The following USH2A variants were observed in gnomAD, a reference collection of about 807,000 sequenced individuals.
USH2A encodes Usher syndrome 2A (autosomal recessive, mild).
Under a neutral mutation model 538.9 loss-of-function variants are expected in USH2A, and 443 were observed. That is an observed-to-expected ratio of 0.82 (90% CI 0.76 to 0.89). USH2A has a LOEUF of 0.89. Ranked by LOEUF, USH2A falls within the 40% of genes least tolerant of loss-of-function variation. USH2A has a pLI of 0.00. For missense variants in USH2A, 6,633 were observed against 6,324.8 expected, an observed-to-expected ratio of 1.05 and a Z score of -1.65; for synonymous variants, 2,413 against 2,273.5, an observed-to-expected ratio of 1.06 and a Z score of -1.75.
chr1:216,178,767 T>C (rs1019853063), intron 20 of USH2A, among the ~76,000 whole-genome samples: 1 of 152,168 alleles, frequency 6.6e-6, no homozygotes, highest in Non-Finnish European at 1.5e-5. Context: ...CGGTAACCAC[T>C]AGCCTTATAA....
chr1:215,879,057 A>G lies in USH2A; in HGVS notation c.8265T>C (p.Leu2755=), dbSNP rs727505274. The G allele has an allele frequency of 6.2e-7, 1 of 1,613,902 alleles. No individual in the cohort carries two copies. Among genetic ancestry groups the G allele is most frequent in the African/African-American group, 1.3e-5 (1 of 74,916 alleles). The change falls in exon 42 of 72, where the codon CTT becomes CTC. Residue 2755 remains leucine, a synonymous_variant. Transcript: ENST00000307340. ...KPPLIQNGDI[L]SYEIHMPDPH... ...GGTCAGGCATGTGAATCTCATAGCTAAGTATGTCTCCGTTCTGGATGAGTG... is the reference window on the plus strand; with the variant it reads ...GGTCAGGCATGTGAATCTCATAGCTGAGTATGTCTCCGTTCTGGATGAGTG...
chr1:215,881,781 T>C (rs1011934513), intron 41 of USH2A, among the ~76,000 whole-genome samples: 1 of 152,172 alleles, frequency 6.6e-6, no homozygotes, highest in Admixed American at 6.5e-5. Flanking sequence ...CCTATCACAA[T>C]GACTTCTTTT....
At chr1:215,973,971 A>ACACACAC (rs1571858943) in intron 35 of USH2A, among the ~76,000 whole-genome samples, 1 of 72,460 alleles carries the variant, frequency 1.4e-5, no homozygotes, top group African/African-American at 4.9e-5. Context: ...CACACACACA[A>ACACACAC]ACACAGAGTT....
chr1:216,023,246 A>G (rs957859562), intron 32 of USH2A, among the ~76,000 whole-genome samples: 1 of 151,992 alleles, frequency 6.6e-6, no homozygotes, highest in Non-Finnish European at 1.5e-5. Context: ...GGTACAATCA[A>G]TGGGTGCTCA....
chr1:215,686,600 G>A (rs890780553), intron 61 of USH2A, among the ~76,000 whole-genome samples: 5 of 151,944 alleles, frequency 3.3e-5, no homozygotes, highest in African/African-American at 1.2e-4. Flanking sequence ...AGTAACATTA[G>A]GCAAAAAATT....
chr1:216,380,795 A>G (rs1325218332), intron 3 of USH2A, among the ~76,000 whole-genome samples: 1 of 152,196 alleles, frequency 6.6e-6, no homozygotes, highest in African/African-American at 2.4e-5. Context: ...ATGTCCACCC[A>G]TCATTTAGAA....
At chr1:216,324,137 TATTAA>T (rs1457930115) in intron 7 of USH2A, 26 bp downstream of exon 7, 2 of 1,601,718 alleles carry the variant, frequency 1.2e-6, no homozygotes, top group Non-Finnish European at 1.7e-6. Context: ...CCAATCAGTC[TATTAA>T]ATTAATTGTT....
At chr1:216,371,311 A>C (rs183335388) in intron 3 of USH2A, among the ~76,000 whole-genome samples, 6 of 152,318 alleles carry the variant, frequency 3.9e-5, no homozygotes. Context: ...TGATGTTCTA[A>C]ATATGACATA....
chr1:216,367,229 G>A (rs762510324), intron 3 of USH2A, among the ~76,000 whole-genome samples: 25 of 152,156 alleles, frequency 1.6e-4, no homozygotes, highest in Non-Finnish European at 3.1e-4. Flanking sequence ...CTCAGAGCAT[G>A]AGAGAGCCAA....
rs930864440 is a variant in USH2A at position 216,181,000 on chromosome 1, T to C, written c.4397-5518A>G. Among the ~76,000 whole-genome samples the C allele has an allele frequency of 2.0e-5, 3 of 152,126 alleles. No individual in the cohort carries two copies. In the East Asian group the frequency reaches 5.8e-4, roughly 30 times the overall value. ...TCAGTGTCTTAAAGAGGAAAAGTTT[T>C]CCCCCGAAACTCTCAGGGGTGACTC... On this transcript the variant is annotated intron_variant, in intron 20 of 71. Transcript: ENST00000307340.
chr1:216,306,470 G>A (rs1193210612), intron 9 of USH2A, among the ~76,000 whole-genome samples: 2 of 152,116 alleles, frequency 1.3e-5, no homozygotes, highest in Non-Finnish European at 2.9e-5. Flanking sequence ...GCCTCCTTCA[G>A]TCACTTAATA....
At chr1:215,873,080 A>C (rs957592922) in intron 43 of USH2A, among the ~76,000 whole-genome samples, 5 of 152,130 alleles carry the variant, frequency 3.3e-5, no homozygotes, top group Non-Finnish European at 5.9e-5. Context: ...GGTAACACAT[A>C]ATATGATGAC....
At position 215,790,313 on chromosome 1, in the gene USH2A, G is replaced by T. The variant is rs752862979; in HGVS notation, c.9959-31C>A. 2.5e-6 allele frequency: 4 copies of T among 1,609,248 alleles called. No homozygotes were observed. In the East Asian group the frequency reaches 8.9e-5, roughly 36 times the overall value. On this transcript the variant is annotated intron_variant, in intron 50 of 71. Coordinates refer to ENST00000307340, the MANE Select transcript of USH2A (RefSeq NM_206933.4). ...ACAATAAAATGTTATATATGAATAT[G>T]AAATAGAAAAAGGGAAGAAAACTGA... is the stretch of plus-strand genomic sequence containing the variant.
rs267598376 is a variant in USH2A at position 215,888,481 on chromosome 1, C to T, written c.8168G>A (p.Arg2723Gln). ...AWVEVTTRPS[R>Q]PAGVQPPVVT... is the part of the protein sequence containing the mutation. The stretch of plus-strand genomic sequence containing the variant: ...CACAGGTGGCTGCACCCCAGCAGGT[C>T]GTGAGGGTCTTGTGGTAACTTCTAC... Residue 2723 changes from arginine to glutamine, a missense_variant, in exon 41 of 72, where the codon CGA becomes CAA. Arg to Gln is a conservative substitution (Grantham distance 43, BLOSUM62 1). Transcript: ENST00000307340. 9.9e-6 allele frequency: 16 copies of T among 1,613,820 alleles called. No individual in the cohort carries two copies. Among genetic ancestry groups the T allele is most frequent in the African/African-American group, 1.3e-5 (1 of 74,938 alleles).
chr1:215,992,946 T>A (rs1026172537), intron 35 of USH2A, 74 bp downstream of exon 35: 41 of 1,601,724 alleles, frequency 2.6e-5, no homozygotes, highest in Admixed American at 1.2e-4. Flanking sequence ...GCACCACATA[T>A]AAGCTGCCAT....
chr1:216,376,407 C>T (rs923522449), intron 3 of USH2A, among the ~76,000 whole-genome samples: 2 of 151,556 alleles, frequency 1.3e-5, no homozygotes, highest in Non-Finnish European at 2.9e-5. Context: ...TGTGGGAAAA[C>T]AGAAAAAAAC....
At chr1:216,054,781 C>T (rs1159879289) in intron 30 of USH2A, among the ~76,000 whole-genome samples, 1 of 151,712 alleles carries the variant, frequency 6.6e-6, no homozygotes, top group African/African-American at 2.4e-5. Flanking sequence ...ATCGCTTGTA[C>T]AGCAATGGTA....
chr1:216,157,313 G>C (rs1223302957), intron 21 of USH2A, among the ~76,000 whole-genome samples: 1 of 152,156 alleles, frequency 6.6e-6, no homozygotes, highest in African/African-American at 2.4e-5. Context: ...TTATTAAAAA[G>C]TCAAAAAACA....
rs181605993 is a variant in USH2A, at chr1:215,644,942, T to A, written c.14791+2580A>T. On this transcript the variant is annotated intron_variant, in intron 67 of 71. Coordinates refer to ENST00000307340, the MANE Select transcript of USH2A (RefSeq NM_206933.4). ...AATCAAAGTGAGATACACAGAAAGA[T>A]TAAGGAGAGAGAAGGGATGGTGAGT... Among the ~76,000 whole-genome samples the A allele has an allele frequency of 2.7e-3, 414 of 152,142 alleles. 1 individual carries two copies. The highest frequency in any genetic ancestry group is 9.3e-3 in the African/African-American group (388 of 41,524).
Sources: gnomAD v4.1 joint callset for allele counts (sites outside exome capture counted in the v4.1 genomes callset) on GRCh38, gnomAD v4.1.1 for gene constraint, MANE v1.5 for transcripts, NCBI Gene and HGNC (gene_info 2026-07-23, HGNC 2026-07-21) for gene names.